SMURF2: variants seen among roughly 807,000 people sequenced by gnomAD.
SMURF2 encodes SMAD specific E3 ubiquitin protein ligase 2, also known as E3 ubiquitin-protein ligase SMURF2.
In SMURF2, 48 loss-of-function variants were observed where a neutral mutation model predicts 109.6. The observed-to-expected ratio is 0.44, with a 90% CI of 0.35 to 0.56. SMURF2 has a LOEUF of 0.56. Ranked by LOEUF, SMURF2 falls within the 20% of genes least tolerant of loss-of-function variation. SMURF2 has a pLI of 0.01. For missense variants in SMURF2, 575 were observed against 909.0 expected (o/e 0.63, Z 4.72); for synonymous variants, 288 against 317.1 (o/e 0.91, Z 0.97).
intron 1 of SMURF2, among the ~76,000 whole-genome samples, chr17:64,619,402 C>T (rs1481910513): frequency 7.0e-6 from 1 of 142,858 alleles, no homozygotes; most frequent in Non-Finnish European, 1.5e-5. Context: ...CGCCTGAACC[C>T]GGGAGGCAGA....
rs11308871 is a variant in SMURF2, at chr17:64,612,509, C to CAA, written c.53-5871_53-5870dup. Among the ~76,000 whole-genome samples, 6 of 127,276 alleles carry CAA rather than the reference C, an allele frequency of 4.7e-5. No individual in the cohort carries two copies. The South Asian group carries it at 7.6e-4, about 16-fold the overall frequency. 83.5% of individuals were successfully genotyped at this position (127,276 alleles called of 152,430 possible). A position where few individuals can be genotyped will look rare whatever the true frequency, so the allele number is the denominator to read the frequency against. Reference sequence around the variant, plus strand: ...CAAAACCCCATCTCTACTAAAAATACAAAAAAAAAAAAAAATTAGCCAGGT... The same window carrying CAA: ...CAAAACCCCATCTCTACTAAAAATACAAAAAAAAAAAAAAAAATTAGCCAGGT... On this transcript the variant is annotated intron_variant, in intron 1 of 18. Coordinates refer to ENST00000262435, the MANE Select transcript of SMURF2 (RefSeq NM_022739.4).
intron 1 of SMURF2, among the ~76,000 whole-genome samples, chr17:64,625,269 C>T (rs1449601090): frequency 1.3e-5 from 2 of 152,120 alleles, no homozygotes; most frequent in Non-Finnish European, 2.9e-5. Context: ...TTACTTGCAA[C>T]CAAAAATGTC....
intron 10 of SMURF2, chr17:64,563,257 G>A: frequency 4.7e-6 from 1 of 211,664 alleles, no homozygotes; most frequent in South Asian, 1.2e-4. Flanking sequence ...CCCCTACAGA[G>A]TTTACCATCA....
chr17:64,607,567 A>C (rs1969987255), intron 1 of SMURF2, among the ~76,000 whole-genome samples: 1 of 151,432 alleles, frequency 6.6e-6, no homozygotes, highest in South Asian at 2.1e-4. Flanking sequence ...GGGAGGTTGC[A>C]GTGAGCCAAG....
At chr17:64,632,862 G>A (rs1436930720) in intron 1 of SMURF2, among the ~76,000 whole-genome samples, 1 of 152,204 alleles carries the variant, frequency 6.6e-6, no homozygotes, top group African/African-American at 2.4e-5. Flanking sequence ...ATGACAATAT[G>A]ATAGTATTTG....
At chr17:64,651,354 T>C (rs1970637161) in intron 1 of SMURF2, among the ~76,000 whole-genome samples, 4 of 150,726 alleles carry the variant, frequency 2.7e-5, no homozygotes, top group Admixed American at 2.6e-4. Context: ...GGGTGGATCA[T>C]TTGATGTCAG....
chr17:64,572,270 C>A (rs973489053), intron 9 of SMURF2, among the ~76,000 whole-genome samples: 1 of 152,130 alleles, frequency 6.6e-6, no homozygotes, highest in South Asian at 2.1e-4. Context: ...TATTTCAACA[C>A]GTGTTTGACA....
intron 10 of SMURF2, among the ~76,000 whole-genome samples, chr17:64,566,374 A>C (rs559662994): frequency 2.6e-4 from 39 of 151,918 alleles, no homozygotes; most frequent in Admixed American, 1.1e-3. Context: ...TTATGACAGA[A>C]ACTTTAATGC....
At chr17:64,602,746 G>A (rs1371513329) in intron 2 of SMURF2, among the ~76,000 whole-genome samples, 1 of 152,088 alleles carries the variant, frequency 6.6e-6, no homozygotes, top group Non-Finnish European at 1.5e-5. Flanking sequence ...GGCTAACACG[G>A]TGCAACCACA....
rs146023358 is a variant in SMURF2 at position 64,596,053 on chromosome 17, A to C, written c.200+2329T>G. On this transcript the variant is annotated intron_variant, in intron 3 of 18. Transcript: ENST00000262435. ...TAAACCACTGATTTTTTTTTTTCTT[A>C]ACATAAAATGAGAAAACCGCTGATT... is the stretch of plus-strand genomic sequence containing the variant. Among the ~76,000 whole-genome samples the C allele has an allele frequency of 5.7e-3, 866 of 151,982 alleles. 17 individuals are homozygous for C. Among genetic ancestry groups the C allele is most frequent in the Admixed American group, 0.04 (618 of 15,274 alleles).
At chr17:64,613,673 A>AGTGTGTGTGTGTGTGTGTGT (rs61060865) in intron 1 of SMURF2, among the ~76,000 whole-genome samples, 4 of 20,794 alleles carry the variant, frequency 1.9e-4, no homozygotes, top group Admixed American at 8.0e-4. Flanking sequence ...TCCACGGACC[A>AGTGTGTGTGTGTGTGTGTGT]GTGTGTGTGT....
rs184203359 is a variant in SMURF2, at chr17:64,576,074, G to A, written c.857+2418C>T. ...ACAAAAATTAGCGGGGTATTGTGGC[G>A]CATGCCTGTAGTCCCAGCTATTCAG... is the stretch of plus-strand genomic sequence containing the variant. On this transcript the variant is annotated intron_variant, in intron 9 of 18. Transcript: ENST00000262435. 2.2e-3 allele frequency among the ~76,000 whole-genome samples: 341 copies of A among 151,856 alleles called. 6 individuals carry two copies. The highest frequency in any genetic ancestry group is 7.5e-3 in the African/African-American group (311 of 41,270).
intron 1 of SMURF2, among the ~76,000 whole-genome samples, chr17:64,613,672 C>CTGTG (rs1568195473): frequency 6.9e-4 from 37 of 53,722 alleles, no homozygotes; most frequent in Admixed American, 3.8e-3. Flanking sequence ...TTCCACGGAC[C>CTGTG]AGTGTGTGTG....
intron 1 of SMURF2, among the ~76,000 whole-genome samples, chr17:64,627,471 C>G (rs1598303276): frequency 6.6e-6 from 1 of 152,240 alleles, no homozygotes; most frequent in East Asian, 1.9e-4. Context: ...ATTAGAACAC[C>G]TTTAGATGAG....
At chr17:64,568,320 G>A (rs1305272749) in intron 10 of SMURF2, among the ~76,000 whole-genome samples, 1 of 152,158 alleles carries the variant, frequency 6.6e-6, no homozygotes, top group African/African-American at 2.4e-5. Flanking sequence ...AGGTTTACCA[G>A]CTTGTTTTGG....
At chr17:64,599,112 C>A (rs1288625783) in intron 2 of SMURF2, among the ~76,000 whole-genome samples, 2 of 152,184 alleles carry the variant, frequency 1.3e-5, no homozygotes, top group African/African-American at 4.8e-5. Context: ...AACGCAAACA[C>A]TTATATCACT....
At chr17:64,556,313 C>T (rs1345751933) in intron 13 of SMURF2, among the ~76,000 whole-genome samples, 1 of 152,128 alleles carries the variant, frequency 6.6e-6, no homozygotes, top group Non-Finnish European at 1.5e-5. Context: ...TCTTCCTTCT[C>T]TCACCTCCTG....
chr17:64,626,275 C>A (rs66544108), intron 1 of SMURF2, among the ~76,000 whole-genome samples: 10,732 of 138,630 alleles, frequency 0.077, 495 homozygotes, highest in Admixed American at 0.13. Flanking sequence ...AAAAAAAAAA[C>A]AAAAAACATA....
chr17:64,557,271 A>T (rs1035766403), intron 13 of SMURF2, among the ~76,000 whole-genome samples: 4 of 152,222 alleles, frequency 2.6e-5, no homozygotes, highest in Non-Finnish European at 5.9e-5. Flanking sequence ...CAAAGCTAGT[A>T]AGTGATGAGA....
Sources: allele counts gnomAD v4.1 joint callset (sites outside exome capture counted in the v4.1 genomes callset), GRCh38; gene constraint gnomAD v4.1.1; transcripts MANE v1.5; gene names NCBI Gene and HGNC (gene_info 2026-07-23, HGNC 2026-07-21).